ENTREP2: variants seen among roughly 807,000 people sequenced by gnomAD.
The protein encoded by ENTREP2 is protein ENTREP2.
At chr15:29,137,514 G>A in the ENTREP2 span, among the ~76,000 whole-genome samples, 6 of 152,136 alleles carry the variant, frequency 3.9e-5, no homozygotes, top group African/African-American at 1.2e-4. Flanking sequence ...GACTGCAGAC[G>A]GAAGGCTGCC....
At chr15:29,660,586 T>C in the ENTREP2 span, among the ~76,000 whole-genome samples, 1 of 152,260 alleles carries the variant, frequency 6.6e-6, no homozygotes, top group African/African-American at 2.4e-5. Flanking sequence ...CATGTGACTA[T>C]ATTACCTCTT....
the ENTREP2 span, chr15:29,195,272 A>G: frequency 5.1e-6 from 5 of 985,302 alleles, no homozygotes; most frequent in Non-Finnish European, 6.0e-6. Context: ...CCTACCATGG[A>G]GATGAGCCGC....
At chr15:29,324,381 C>T in the ENTREP2 span, among the ~76,000 whole-genome samples, 1 of 152,096 alleles carries the variant, frequency 6.6e-6, no homozygotes, top group East Asian at 1.9e-4. Flanking sequence ...TGTGCCCAAC[C>T]ATGTAGATAT....
chr15:29,250,390 C>A, the ENTREP2 span, among the ~76,000 whole-genome samples: 7 of 152,204 alleles, frequency 4.6e-5, no homozygotes, highest in Admixed American at 6.5e-5. Context: ...ATCAACCAAA[C>A]AGATGTATGT....
At chr15:29,241,923 A>G in the ENTREP2 span, among the ~76,000 whole-genome samples, 1 of 152,140 alleles carries the variant, frequency 6.6e-6, no homozygotes, top group East Asian at 1.9e-4. Flanking sequence ...GCATACCTGT[A>G]GTGCCAGCTG....
At chr15:29,180,790 G>T in the ENTREP2 span, among the ~76,000 whole-genome samples, 1 of 151,588 alleles carries the variant, frequency 6.6e-6, no homozygotes, top group Non-Finnish European at 1.5e-5. Context: ...AAATCATAAG[G>T]AAAATTAAAG....
chr15:29,442,278 G>A, the ENTREP2 span, among the ~76,000 whole-genome samples: 3 of 152,084 alleles, frequency 2.0e-5, no homozygotes, highest in East Asian at 3.9e-4. Context: ...CCAACTATTC[G>A]AACCACCCCA....
At chr15:29,599,293 A>G in the ENTREP2 span, among the ~76,000 whole-genome samples, 1 of 152,216 alleles carries the variant, frequency 6.6e-6, no homozygotes, top group Non-Finnish European at 1.5e-5. Flanking sequence ...TGTATTGACC[A>G]TCTATTCATT....
the ENTREP2 span, among the ~76,000 whole-genome samples, chr15:29,563,481 C>G: frequency 3.3e-5 from 5 of 152,156 alleles, no homozygotes; most frequent in African/African-American, 1.2e-4. Flanking sequence ...TCTGACATCT[C>G]TCTGTTCTCC....
At chr15:29,476,943 G>T in the ENTREP2 span, among the ~76,000 whole-genome samples, 1 of 152,134 alleles carries the variant, frequency 6.6e-6, no homozygotes, top group Non-Finnish European at 1.5e-5. Flanking sequence ...AAACAGGCGC[G>T]TATGCTCACC....
chr15:29,268,070 T>C, the ENTREP2 span: 6 of 152,340 alleles, frequency 3.9e-5, no homozygotes, highest in African/African-American at 1.4e-4. Context: ...TTGACCTTAA[T>C]ATGTAGCAAA....
At chr15:29,512,598 C>T in the ENTREP2 span, among the ~76,000 whole-genome samples, 3 of 152,112 alleles carry the variant, frequency 2.0e-5, no homozygotes, top group African/African-American at 7.2e-5. Flanking sequence ...CTTATAAGAA[C>T]AGGAAGAAAC....
At chr15:29,218,921 C>T in the ENTREP2 span, among the ~76,000 whole-genome samples, 2 of 152,064 alleles carry the variant, frequency 1.3e-5, no homozygotes, top group Admixed American at 6.6e-5. Flanking sequence ...GATTTCATGA[C>T]CAGGAACCCA....
At chr15:29,224,362 C>T in the ENTREP2 span, among the ~76,000 whole-genome samples, 2 of 152,156 alleles carry the variant, frequency 1.3e-5, no homozygotes, top group African/African-American at 2.4e-5. Context: ...ATTGAAAGAA[C>T]AAAGCTTCCA....
chr15:29,226,000 C>T, the ENTREP2 span, among the ~76,000 whole-genome samples: 1 of 152,186 alleles, frequency 6.6e-6, no homozygotes, highest in South Asian at 2.1e-4. Flanking sequence ...TGACACTGTC[C>T]ACCACAGCCC....
the ENTREP2 span, among the ~76,000 whole-genome samples, chr15:29,203,767 T>C: frequency 6.6e-6 from 1 of 152,218 alleles, no homozygotes. Context: ...CCCTTTGCTG[T>C]GATCAACTGG....
At chr15:29,269,752 G>C in the ENTREP2 span, 1 of 1,422,024 alleles carries the variant, frequency 7.0e-7, no homozygotes, top group Non-Finnish European at 9.2e-7. Flanking sequence ...GCAAGCAGCC[G>C]CGGCGGGGAT....
At chr15:29,184,718 C>T in the ENTREP2 span, among the ~76,000 whole-genome samples, 10 of 152,236 alleles carry the variant, frequency 6.6e-5, no homozygotes, top group East Asian at 1.5e-3. Context: ...CCGGGACCAG[C>T]GCAAAATAAT....
At chr15:29,623,177 C>T in the ENTREP2 span, among the ~76,000 whole-genome samples, 14 of 152,170 alleles carry the variant, frequency 9.2e-5, no homozygotes, top group East Asian at 2.7e-3. Flanking sequence ...TTCGGTAGCT[C>T]CTGGGGCCGT....
Sources: allele counts gnomAD v4.1 joint callset (sites outside exome capture counted in the v4.1 genomes callset), GRCh38; gene constraint gnomAD v4.1.1; transcripts MANE v1.5; gene names NCBI Gene and HGNC (gene_info 2026-07-23, HGNC 2026-07-21).